TMEM117: variants seen among roughly 807,000 people sequenced by gnomAD.
TMEM117 encodes transmembrane protein 117.
TMEM117 carries 27 observed loss-of-function variants against 52.4 expected under a neutral mutation model. The ratio of observed to expected loss-of-function variants is 0.51; its 90% CI spans 0.38 to 0.71. The LOEUF is 0.71. TMEM117 is among the 30% of genes least tolerant of loss of function. The pLI, the probability that TMEM117 is intolerant of heterozygous loss-of-function variation, is 0.00. For synonymous variants in TMEM117, 215 were observed against 206.3 expected, an observed-to-expected ratio of 1.04 and a Z score of -0.36; for missense variants, 556 against 630.5, an observed-to-expected ratio of 0.88 and a Z score of 1.26.
At chr12:44,034,122 A>T (rs968114855) in intron 3 of TMEM117, among the ~76,000 whole-genome samples, 1 of 152,218 alleles carries the variant, frequency 6.6e-6, no homozygotes, top group African/African-American at 2.4e-5. Flanking sequence ...AAACATGGAG[A>T]TGGAAAACAA....
chr12:43,938,228 G>T lies in TMEM117; in HGVS notation c.278-5982G>T, dbSNP rs566695145. Among the ~76,000 whole-genome samples the T allele has an allele frequency of 7.5e-5, 11 of 147,514 alleles. No homozygotes were observed. In the South Asian group the frequency reaches 1.7e-3, roughly 23 times the overall value. On this transcript the variant is annotated intron_variant, in intron 2 of 7. Transcript: ENST00000266534. Reference sequence around the variant, plus strand: ...TAGTGGTCTGGCTGGGGGCAACAAGGCTATATTATATATTATTATATATTA... The same window carrying T: ...TAGTGGTCTGGCTGGGGGCAACAAGTCTATATTATATATTATTATATATTA...
Position 43,965,310 on chromosome 12 carries a change from ACATG to A in TMEM117, c.410+20972_410+20975del, listed in dbSNP as rs1203854218. 9.2e-5 allele frequency among the ~76,000 whole-genome samples: 14 copies of A among 152,324 alleles called. No individual in the cohort carries two copies. The South Asian group carries it at 1.9e-3, about 20-fold the overall frequency. On this transcript the variant is annotated intron_variant, in intron 3 of 7. Coordinates refer to ENST00000266534, the MANE Select transcript of TMEM117 (RefSeq NM_032256.3). ...TTTTCTGAGCAGAGCCCCACACATC[ACATG>A]CATTTCTCCTGATCTTGGTTGAAGT...
chr12:44,352,842 C>A (rs1951584358), intron 6 of TMEM117, among the ~76,000 whole-genome samples: 1 of 152,102 alleles, frequency 6.6e-6, no homozygotes, highest in Admixed American at 6.6e-5. Flanking sequence ...AATGGTATTT[C>A]TAATTCTAGA....
At chr12:44,321,779 A>G (rs1226500884) in intron 6 of TMEM117, among the ~76,000 whole-genome samples, 2 of 152,242 alleles carry the variant, frequency 1.3e-5, no homozygotes, top group African/African-American at 4.8e-5. Flanking sequence ...ACAACTATGT[A>G]TTCTCAACTG....
chr12:44,311,657 A>G (rs1950976800), intron 6 of TMEM117, among the ~76,000 whole-genome samples: 1 of 150,350 alleles, frequency 6.7e-6, no homozygotes, highest in South Asian at 2.1e-4. Flanking sequence ...GCTGTATTAT[A>G]CATAATGTTA....
chr12:44,390,771 A>AC (rs2138882905), downstream of TMEM117, among the ~76,000 whole-genome samples: 1 of 152,240 alleles, frequency 6.6e-6, no homozygotes, highest in Non-Finnish European at 1.5e-5. Context: ...ACTGATAGTG[A>AC]CCTTTTCTTA....
intron 4 of TMEM117, among the ~76,000 whole-genome samples, chr12:44,152,930 A>G (rs1948775219): frequency 6.7e-6 from 1 of 149,330 alleles, no homozygotes; most frequent in South Asian, 2.1e-4. Context: ...GTATATATTT[A>G]TATATACTTA....
chr12:44,162,505 A>G (rs1337830142), intron 4 of TMEM117, among the ~76,000 whole-genome samples: 2 of 152,210 alleles, frequency 1.3e-5, no homozygotes, highest in Non-Finnish European at 2.9e-5. Context: ...CCTAATGCAT[A>G]TCCATTAACT....
downstream of TMEM117, among the ~76,000 whole-genome samples, chr12:44,394,132 G>T (rs555406566): frequency 1.3e-5 from 2 of 152,264 alleles, no homozygotes; most frequent in East Asian, 1.9e-4. Context: ...ATTTTGAAAT[G>T]ATGACTCCAA....
chr12:44,327,507 C>G (rs1255511506), intron 6 of TMEM117, among the ~76,000 whole-genome samples: 1 of 152,142 alleles, frequency 6.6e-6, no homozygotes, highest in Admixed American at 6.6e-5. Flanking sequence ...TTTACTTGCT[C>G]AGGAATCCTT....
intron 5 of TMEM117, among the ~76,000 whole-genome samples, chr12:44,244,216 G>T (rs1420981737): frequency 6.6e-6 from 1 of 151,852 alleles, no homozygotes; most frequent in Non-Finnish European, 1.5e-5. Flanking sequence ...TTTCAAAATG[G>T]CTGCACTAAT....
Position 44,252,464 on chromosome 12 carries a change from G to A in TMEM117, c.608+41077G>A, listed in dbSNP as rs117025521. On this transcript the variant is annotated intron_variant, in intron 5 of 7. Coordinates refer to ENST00000266534, the MANE Select transcript of TMEM117 (RefSeq NM_032256.3). ...GGTTGCAGTGAGCTGAGATCACATCGCTGCACTCCAACATGGGTCACAGAG... is the reference window on the plus strand; with the variant it reads ...GGTTGCAGTGAGCTGAGATCACATCACTGCACTCCAACATGGGTCACAGAG... 2.6e-3 allele frequency among the ~76,000 whole-genome samples: 388 copies of A among 152,118 alleles called. 4 individuals are homozygous for A. The East Asian group carries it at 0.034, about 13-fold the overall frequency.
intron 2 of TMEM117, among the ~76,000 whole-genome samples, chr12:43,905,998 T>G (rs1944380004): frequency 6.6e-6 from 1 of 152,264 alleles, no homozygotes; most frequent in Non-Finnish European, 1.5e-5. Context: ...CAAATATTTA[T>G]ACCAGCATGC....
chr12:44,236,209 G>A (rs566281874), intron 5 of TMEM117, among the ~76,000 whole-genome samples: 6 of 151,500 alleles, frequency 4.0e-5, no homozygotes, highest in African/African-American at 7.3e-5. Context: ...GAGAGAGAGC[G>A]CCATTGTGCC....
At chr12:44,307,398 A>C (rs1361272481) in intron 6 of TMEM117, among the ~76,000 whole-genome samples, 1 of 152,194 alleles carries the variant, frequency 6.6e-6, no homozygotes. Flanking sequence ...TCTTCAAACT[A>C]TTTTAAGTTC....
chr12:44,198,857 G>A (rs1565581807), intron 4 of TMEM117, among the ~76,000 whole-genome samples: 1 of 152,074 alleles, frequency 6.6e-6, no homozygotes, highest in South Asian at 2.1e-4. Context: ...GGAAGAAGGA[G>A]GGGTGAGGCT....
chr12:43,967,323 C>T (rs1435970163), intron 3 of TMEM117, among the ~76,000 whole-genome samples: 2 of 152,068 alleles, frequency 1.3e-5, no homozygotes, highest in Non-Finnish European at 2.9e-5. Context: ...ATGGGTTTCA[C>T]ATGTTTCCCA....
chr12:44,039,266 A>G (rs191009494), intron 3 of TMEM117, among the ~76,000 whole-genome samples: 2 of 151,958 alleles, frequency 1.3e-5, no homozygotes, highest in Non-Finnish European at 2.9e-5. Flanking sequence ...TGGCATATCA[A>G]TTTTACAAAT....
At chr12:44,066,881 AT>A in intron 3 of TMEM117, among the ~76,000 whole-genome samples, 1 of 152,310 alleles carries the variant, frequency 6.6e-6, no homozygotes, top group South Asian at 2.1e-4. Flanking sequence ...TCTCTGTAGC[AT>A]GTGATGCTGT....
Sources: gnomAD v4.1 joint callset for allele counts (sites outside exome capture counted in the v4.1 genomes callset) on GRCh38, gnomAD v4.1.1 for gene constraint, MANE v1.5 for transcripts, NCBI Gene and HGNC (gene_info 2026-07-23, HGNC 2026-07-21) for gene names.